The following FGF13 variants were observed in gnomAD, a reference collection of about 807,000 sequenced individuals.
The protein encoded by FGF13 is fibroblast growth factor homologous factor 2.
Under a neutral mutation model 19.5 loss-of-function variants are expected in FGF13, and 2 were observed. The observed-to-expected ratio is 0.10, with a 90% CI of 0.04 to 0.32. The LOEUF is 0.32. Ranked by LOEUF, FGF13 falls within the 10% of genes least tolerant of loss-of-function variation. The pLI is 1.00. For synonymous variants in FGF13, 72 were observed against 76.9 expected (o/e 0.94, Z 0.33); for missense variants, 113 against 192.7 (o/e 0.59, Z 2.45).
Position 138,771,960 on chromosome X carries a change from A to T in FGF13, c.218-63032T>A, listed in dbSNP as rs769443168. 1.7e-3 allele frequency among the ~76,000 whole-genome samples: 173 copies of T among 101,831 alleles called. 2 individuals carry two copies. Among genetic ancestry groups the T allele is most frequent in the African/African-American group, 5.9e-3 (168 of 28,474 alleles). The allele number at this position is 101,831 out of a possible 115,157, so 88.4% of individuals were successfully genotyped here. On this transcript the variant is annotated intron_variant, in intron 3 of 6. Transcript: ENST00000436198. ...AAGTTTTTAAAATATTACATTGAGG[A>T]GAATAAAAATATTTATATACAAGGA... is the stretch of plus-strand genomic sequence containing the variant.
chrX:139,129,150 C>T (rs1603212873), intron 1 of FGF13, among the ~76,000 whole-genome samples: 1 of 82,840 alleles, frequency 1.2e-5, no homozygotes, highest in African/African-American at 5.2e-5. Flanking sequence ...CATACATACA[C>T]ACATACACAC....
intron 1 of FGF13, among the ~76,000 whole-genome samples, chrX:139,049,879 G>A (rs780755418): frequency 1.8e-5 from 2 of 112,326 alleles, no homozygotes; most frequent in South Asian, 3.7e-4. Context: ...ACATTTGAGC[G>A]AGATCTAAAT....
upstream of FGF13, among the ~76,000 whole-genome samples, chrX:138,744,082 G>C (rs1183082715): frequency 9.4e-6 from 1 of 106,474 alleles, no homozygotes; most frequent in African/African-American, 3.3e-5. Flanking sequence ...CAGGAAGGAG[G>C]GGAAATGCCA....
chrX:139,203,791 C>T (rs1429406869), upstream of FGF13, among the ~76,000 whole-genome samples: 8 of 112,187 alleles, frequency 7.1e-5, no homozygotes, highest in African/African-American at 2.3e-4. Flanking sequence ...CGTCTGCCCG[C>T]AGCGCCACCA....
rs2089103607 is a variant in FGF13, at chrX:138,630,306, G to A, written c.*2544C>T. On this transcript the variant is annotated 3_prime_UTR_variant, in exon 5 of 5. Transcript: ENST00000315930. Reference sequence around the variant, plus strand: ...ACACTATTTCTGAACAACAGAAAAAGCAAGACCAGCAACTGAAGTAGTCAG... The same window carrying A: ...ACACTATTTCTGAACAACAGAAAAAACAAGACCAGCAACTGAAGTAGTCAG... The A allele has an allele frequency of 9.0e-6, 1 of 111,041 alleles. No homozygotes were observed. The highest frequency in any genetic ancestry group is 9.7e-5 in the Admixed American group (1 of 10,333). The allele number at this position is 111,041 out of a possible 1,213,427, so 9.2% of individuals were successfully genotyped here. A position where few individuals can be genotyped will look rare whatever the true frequency, so the allele number is the denominator to read the frequency against.
chrX:139,094,380 T>G (rs757675801), intron 1 of FGF13, among the ~76,000 whole-genome samples: 1 of 112,153 alleles, frequency 8.9e-6, no homozygotes, highest in Non-Finnish European at 1.9e-5. Flanking sequence ...GAGTTTGGAA[T>G]GGACTTCAAG....
intron 1 of FGF13, among the ~76,000 whole-genome samples, chrX:139,010,831 C>CA (rs34458790): frequency 0.055 from 5,540 of 100,932 alleles, 161 homozygotes; most frequent in East Asian, 0.14. Flanking sequence ...GAAATTGAAA[C>CA]AAAAAAAAAA....
At position 138,793,779 on chromosome X, in the gene FGF13, G is replaced by A. The variant is rs142101601; in HGVS notation, c.217+63733C>T. ...TCCTGTCCAAGGTCACAGTTATTTT[G>A]AGCTAACATGACTAGAAGCTTCTCA... is the stretch of plus-strand genomic sequence containing the variant. On this transcript the variant is annotated intron_variant, in intron 3 of 6. Transcript: ENST00000436198. 5.0e-3 allele frequency among the ~76,000 whole-genome samples: 565 copies of A among 111,905 alleles called. 3 individuals are homozygous for A. The South Asian group carries it at 0.063, about 12-fold the overall frequency.
intron 1 of FGF13, among the ~76,000 whole-genome samples, chrX:138,966,757 G>A (rs1388941601): frequency 2.7e-5 from 3 of 111,032 alleles, no homozygotes; most frequent in African/African-American, 6.6e-5. Context: ...AGTGGCCAGG[G>A]GTGAAATGAT....
chrX:138,730,475 G>T (rs2090221171), intron 1 of FGF13, among the ~76,000 whole-genome samples: 2 of 111,876 alleles, frequency 1.8e-5, no homozygotes, highest in Admixed American at 1.9e-4. Flanking sequence ...CATGAAGTTT[G>T]TAAGAAAATT....
intron 3 of FGF13, among the ~76,000 whole-genome samples, chrX:138,680,292 A>G (rs2089715034): frequency 8.9e-6 from 1 of 112,422 alleles, no homozygotes; most frequent in South Asian, 3.7e-4. Context: ...CCTATGAATC[A>G]TGAATGCCTT....
chrX:138,848,926 G>A (rs1385092240), intron 3 of FGF13, among the ~76,000 whole-genome samples: 3 of 111,868 alleles, frequency 2.7e-5, no homozygotes, highest in Non-Finnish European at 5.6e-5. Flanking sequence ...CTTCATGAAG[G>A]AAGCAGTGAT....
At chrX:138,770,713 G>A (rs1231177620) in intron 3 of FGF13, among the ~76,000 whole-genome samples, 1 of 111,928 alleles carries the variant, frequency 8.9e-6, no homozygotes, top group African/African-American at 3.3e-5. Context: ...ACTTAATGTG[G>A]TGCTTGGCTC....
At chrX:139,077,683 AG>A (rs2083341322) in intron 1 of FGF13, among the ~76,000 whole-genome samples, 1 of 112,016 alleles carries the variant, frequency 8.9e-6, no homozygotes, top group Non-Finnish European at 1.9e-5. Flanking sequence ...AGTGATTCTC[AG>A]TGGGGATTGA....
chrX:138,836,407 C>A (rs771743390), intron 3 of FGF13, among the ~76,000 whole-genome samples: 14 of 111,676 alleles, frequency 1.3e-4, no homozygotes, highest in African/African-American at 4.5e-4. Flanking sequence ...TTTCTCTGTT[C>A]TTGTCTGCCT....
At chrX:138,866,079 T>C (rs1226589256) in intron 1 of FGF13, among the ~76,000 whole-genome samples, 1 of 112,900 alleles carries the variant, frequency 8.9e-6, no homozygotes, top group Non-Finnish European at 1.9e-5. Flanking sequence ...TTTAATGACA[T>C]CCACGAGAAA....
At chrX:138,903,661 C>T (rs983859934) in intron 1 of FGF13, among the ~76,000 whole-genome samples, 1 of 111,892 alleles carries the variant, frequency 8.9e-6, no homozygotes, top group African/African-American at 3.2e-5. Flanking sequence ...CCTTCCCAGG[C>T]CTCTATGCCC....
intron 1 of FGF13, among the ~76,000 whole-genome samples, chrX:139,033,946 G>A (rs1243755597): frequency 2.7e-5 from 3 of 111,691 alleles, no homozygotes; most frequent in African/African-American, 9.7e-5. Flanking sequence ...AAAACCATCA[G>A]CAGGGAAAAG....
At chrX:139,021,822 G>A (rs1175103081) in intron 1 of FGF13, among the ~76,000 whole-genome samples, 1 of 112,003 alleles carries the variant, frequency 8.9e-6, no homozygotes, top group Non-Finnish European at 1.9e-5. Context: ...TTTATAGGCT[G>A]AAGATGGATT....
Sources: allele counts gnomAD v4.1 joint callset (sites outside exome capture counted in the v4.1 genomes callset), GRCh38; gene constraint gnomAD v4.1.1; transcripts MANE v1.5; gene names NCBI Gene and HGNC (gene_info 2026-07-23, HGNC 2026-07-21).